The following PDE10A variants were observed in gnomAD, a reference collection of about 807,000 sequenced individuals.
PDE10A encodes cAMP and cAMP-inhibited cGMP 3',5'-cyclic phosphodiesterase 10A.
In PDE10A, 39 loss-of-function variants were observed where a neutral mutation model predicts 97.7. That is an observed-to-expected ratio of 0.40 (90% CI 0.31 to 0.52). The LOEUF is 0.52. Ranked by LOEUF, PDE10A falls within the 20% of genes least tolerant of loss-of-function variation. The pLI, the probability that PDE10A is intolerant of heterozygous loss-of-function variation, is 0.56. For synonymous variants in PDE10A, 371 were observed against 376.8 expected, an observed-to-expected ratio of 0.98 and a Z score of 0.18; for missense variants, 731 against 1,047.8, an observed-to-expected ratio of 0.70 and a Z score of 4.17.
chr6:165,438,247 G>T (rs1012790652), intron 5 of PDE10A, among the ~76,000 whole-genome samples: 3 of 152,138 alleles, frequency 2.0e-5, no homozygotes, highest in African/African-American at 7.2e-5. Flanking sequence ...GGAGTGCAAT[G>T]GTGCAATCTT....
Position 165,693,808 on chromosome 6 carries a change from G to A in PDE10A, c.-614-150240C>T, listed in dbSNP as rs184258743. ...GTTTTCTGGGGCCAATTCATTTCAG[G>A]CAAAAAGGTCATAATCTAACTCATT... On this transcript the variant is annotated intron_variant, in intron 1 of 19. Coordinates refer to the PDE10A transcript ENST00000366882. 1.6e-3 allele frequency among the ~76,000 whole-genome samples: 248 copies of A among 152,116 alleles called. 5 individuals are homozygous for A. Among genetic ancestry groups the A allele is most frequent in the Admixed American group, 0.015 (223 of 15,296 alleles).
intron 1 of PDE10A, among the ~76,000 whole-genome samples, chr6:165,645,312 C>T (rs1220058245): frequency 6.6e-6 from 1 of 152,194 alleles, no homozygotes; most frequent in Non-Finnish European, 1.5e-5. Flanking sequence ...CCCCTGACCC[C>T]TTGCTTCACT....
At chr6:165,642,285 G>A (rs1206870788) in intron 1 of PDE10A, among the ~76,000 whole-genome samples, 6 of 152,062 alleles carry the variant, frequency 3.9e-5, no homozygotes, top group East Asian at 1.9e-4. Flanking sequence ...GTGGCTTCCC[G>A]TGCATATGTG....
intron 1 of PDE10A, among the ~76,000 whole-genome samples, chr6:165,731,206 T>C (rs1417034365): frequency 6.6e-6 from 1 of 151,960 alleles, no homozygotes; most frequent in Non-Finnish European, 1.5e-5. Context: ...GGAGACTCGA[T>C]AGAGAACATG....
chr6:165,959,146 C>T (rs928641114), intron 1 of PDE10A, among the ~76,000 whole-genome samples: 7 of 152,146 alleles, frequency 4.6e-5, no homozygotes, highest in Admixed American at 4.6e-4. Flanking sequence ...TGGCAAACTT[C>T]GTACATATAT....
chr6:165,859,463 A>G (rs1398378310), intron 1 of PDE10A, among the ~76,000 whole-genome samples: 1 of 152,028 alleles, frequency 6.6e-6, no homozygotes, highest in Non-Finnish European at 1.5e-5. Context: ...GGGCCACTTT[A>G]TTTATTTATT....
At chr6:165,678,650 C>T (rs1940866625) in intron 1 of PDE10A, among the ~76,000 whole-genome samples, 1 of 152,164 alleles carries the variant, frequency 6.6e-6, no homozygotes, top group Admixed American at 6.5e-5. Flanking sequence ...TCGCTGGCAG[C>T]ATTCATCTCA....
intron 1 of PDE10A, among the ~76,000 whole-genome samples, chr6:165,899,017 G>A (rs978508263): frequency 4.6e-5 from 7 of 152,266 alleles, no homozygotes; most frequent in South Asian, 2.1e-4. Flanking sequence ...GCCTTCACTC[G>A]ATGGTTTTGT....
chr6:165,672,598 AG>A (rs1047546183), intron 1 of PDE10A, among the ~76,000 whole-genome samples: 3 of 152,154 alleles, frequency 2.0e-5, no homozygotes, highest in African/African-American at 7.2e-5. Context: ...TGAATCATGA[AG>A]GCAGTTTCCC....
At chr6:165,725,941 T>C (rs74393733) in intron 1 of PDE10A, among the ~76,000 whole-genome samples, 342 of 152,318 alleles carry the variant, frequency 2.2e-3, no homozygotes, top group African/African-American at 7.9e-3. Context: ...AAGGAGTCTG[T>C]CCACTTGGCG....
intron 1 of PDE10A, among the ~76,000 whole-genome samples, chr6:165,689,564 C>T (rs972453181): frequency 1.3e-5 from 2 of 152,150 alleles, no homozygotes; most frequent in Non-Finnish European, 2.9e-5. Flanking sequence ...TGTTAGTTCA[C>T]GTGAGATCTG....
intron 1 of PDE10A, among the ~76,000 whole-genome samples, chr6:165,690,553 C>G (rs1791243905): frequency 6.6e-6 from 1 of 152,196 alleles, no homozygotes; most frequent in Non-Finnish European, 1.5e-5. Flanking sequence ...ATGACTCTCT[C>G]TGCTCTTGGA....
At chr6:165,871,184 T>C (rs1354902825) in intron 1 of PDE10A, among the ~76,000 whole-genome samples, 1 of 152,196 alleles carries the variant, frequency 6.6e-6, no homozygotes, top group African/African-American at 2.4e-5. Flanking sequence ...TACGCATGTA[T>C]TGAAAAATCA....
chr6:165,371,447 C>T (rs373908965), intron 18 of PDE10A, among the ~76,000 whole-genome samples: 1 of 152,000 alleles, frequency 6.6e-6, no homozygotes, highest in Non-Finnish European at 1.5e-5. Context: ...ATACTACAAA[C>T]ACCTCTACGC....
chr6:165,460,868 A>AC (rs1778283295), intron 3 of PDE10A, among the ~76,000 whole-genome samples: 1 of 152,210 alleles, frequency 6.6e-6, no homozygotes, highest in Non-Finnish European at 1.5e-5. Context: ...ACTAAAAAAA[A>AC]ATTTGCAAGG....
At chr6:165,795,217 C>T (rs1030583261) in intron 1 of PDE10A, among the ~76,000 whole-genome samples, 2 of 152,200 alleles carry the variant, frequency 1.3e-5, no homozygotes, top group African/African-American at 4.8e-5. Context: ...TTTTCCTTCC[C>T]TTTCTCTCTT....
At chr6:165,803,739 C>T (rs1266679452) in intron 1 of PDE10A, among the ~76,000 whole-genome samples, 3 of 152,214 alleles carry the variant, frequency 2.0e-5, no homozygotes, top group Non-Finnish European at 2.9e-5. Context: ...TACACTTTGC[C>T]ATGTTTCATT....
rs139766739 is a variant in PDE10A, at chr6:165,727,948, T to G, written c.-614-184380A>C. 4.6e-5 allele frequency among the ~76,000 whole-genome samples: 7 copies of G among 152,232 alleles called. No homozygotes were observed. In the East Asian group the frequency reaches 1.3e-3, roughly 29 times the overall value. On this transcript the variant is annotated intron_variant, in intron 1 of 19. Coordinates refer to the PDE10A transcript ENST00000366882. ...AGAAAGGAGTTTAAATAGTTGGTTG[T>G]GTTGTGTTTTGTTTTTTTATTTGTT...
At chr6:165,895,123 G>T (rs7749915) in intron 1 of PDE10A, among the ~76,000 whole-genome samples, 1 of 152,064 alleles carries the variant, frequency 6.6e-6, no homozygotes, top group Non-Finnish European at 1.5e-5. Context: ...TCTTGTTGAG[G>T]GTTGAATTTT....
Sources: allele counts gnomAD v4.1 joint callset (sites outside exome capture counted in the v4.1 genomes callset), GRCh38; gene constraint gnomAD v4.1.1; transcripts MANE v1.5; gene names NCBI Gene and HGNC (gene_info 2026-07-23, HGNC 2026-07-21).